MVB12B: variants seen among roughly 807,000 people sequenced by gnomAD.
The protein encoded by MVB12B is multivesicular body subunit 12B, also known as ESCRT-I complex subunit MVB12B.
A neutral mutation model predicts 41.6 loss-of-function variants in MVB12B; 16 were observed. The observed-to-expected ratio is 0.38, with a 90% CI of 0.26 to 0.58. The LOEUF is 0.58. Ranked by LOEUF, MVB12B falls within the 20% of genes least tolerant of loss-of-function variation. The pLI, the probability that MVB12B is intolerant of heterozygous loss-of-function variation, is 0.62. For missense variants in MVB12B, 274 were observed against 380.2 expected, an observed-to-expected ratio of 0.72 and a Z score of 2.32; for synonymous variants, 133 against 139.7, an observed-to-expected ratio of 0.95 and a Z score of 0.34.
intron 7 of MVB12B, among the ~76,000 whole-genome samples, chr9:126,443,313 T>C (rs1224085382): frequency 6.6e-6 from 1 of 152,084 alleles, no homozygotes; most frequent in Non-Finnish European, 1.5e-5. Context: ...CACCAATCAT[T>C]GAGGGCCAGG....
intron 7 of MVB12B, among the ~76,000 whole-genome samples, chr9:126,477,269 C>G (rs952352864): frequency 6.6e-6 from 1 of 152,182 alleles, no homozygotes; most frequent in Non-Finnish European, 1.5e-5. Context: ...GGATCCACCT[C>G]CATGACCCAA....
rs1833371233 is a variant in MVB12B, at chr9:126,473,803, T to G, written c.758-7566T>G. On this transcript the variant is annotated intron_variant, in intron 7 of 9. Coordinates refer to ENST00000361171, the MANE Select transcript of MVB12B (RefSeq NM_033446.3). The surrounding 1 kb of genome is among the most constrained non-coding windows in gnomAD (Gnocchi z 4.0). ...ACAATTGAACATGAGATTTGGGTAT[T>G]TGGGTGGGGACACAGATTCAAGCCA... Among the ~76,000 whole-genome samples the G allele has an allele frequency of 6.6e-6, 1 of 152,214 alleles. No homozygotes were observed. The highest frequency in any genetic ancestry group is 2.4e-5 in the African/African-American group (1 of 41,442).
intron 2 of MVB12B, among the ~76,000 whole-genome samples, chr9:126,363,821 T>C (rs1451747553): frequency 6.6e-6 from 1 of 152,220 alleles, no homozygotes; most frequent in Non-Finnish European, 1.5e-5. Context: ...CTTTTGTGCA[T>C]GCCCACCATT....
chr9:126,425,524 A>G (rs1265409534), intron 7 of MVB12B, among the ~76,000 whole-genome samples: 1 of 152,182 alleles, frequency 6.6e-6, no homozygotes, highest in African/African-American at 2.4e-5. Context: ...TCTCCTGAGC[A>G]CTCATGAGTC....
At chr9:126,410,888 CTTT>C (rs770993852) in intron 6 of MVB12B, among the ~76,000 whole-genome samples, 7 of 133,762 alleles carry the variant, frequency 5.2e-5, no homozygotes, top group Admixed American at 7.7e-5. Context: ...TTGGTTATTT[CTTT>C]TTTTTTTTTT....
At chr9:126,448,876 G>T (rs1216695719) in intron 7 of MVB12B, among the ~76,000 whole-genome samples, 1 of 152,150 alleles carries the variant, frequency 6.6e-6, no homozygotes, top group Non-Finnish European at 1.5e-5. Flanking sequence ...AATTTGGAGG[G>T]GACAAACTGC....
intron 2 of MVB12B, among the ~76,000 whole-genome samples, chr9:126,349,220 T>C (rs1235739518): frequency 6.6e-6 from 1 of 152,170 alleles, no homozygotes; most frequent in African/African-American, 2.4e-5. Flanking sequence ...CATTGTCAGG[T>C]ACCTGGCCCT....
At chr9:126,375,688 CT>C (rs1447957460) in intron 2 of MVB12B, among the ~76,000 whole-genome samples, 1 of 152,158 alleles carries the variant, frequency 6.6e-6, no homozygotes, top group African/African-American at 2.4e-5. Flanking sequence ...GAAAGGGCCC[CT>C]GGGAGATAAA....
At chr9:126,360,884 A>G (rs1233409347) in intron 2 of MVB12B, among the ~76,000 whole-genome samples, 2 of 152,216 alleles carry the variant, frequency 1.3e-5, no homozygotes, top group African/African-American at 4.8e-5. Context: ...GTCATATATT[A>G]GTATAGCCAC....
chr9:126,377,185 T>C (rs1273931696), intron 2 of MVB12B, among the ~76,000 whole-genome samples: 1 of 152,218 alleles, frequency 6.6e-6, no homozygotes, highest in Non-Finnish European at 1.5e-5. Flanking sequence ...TGCCTGGCCC[T>C]AGGGCCCTCC....
intron 2 of MVB12B, among the ~76,000 whole-genome samples, chr9:126,342,055 T>C (rs1274065449): frequency 6.6e-6 from 1 of 152,254 alleles, no homozygotes; most frequent in Non-Finnish European, 1.5e-5. Flanking sequence ...TTTGAATGTA[T>C]AACTTTCCAT....
intron 1 of MVB12B, among the ~76,000 whole-genome samples, chr9:126,336,934 C>G (rs1035865092): frequency 6.6e-6 from 1 of 152,134 alleles, no homozygotes. Context: ...TGATGACCTG[C>G]GAGGTGAAAG....
chr9:126,356,727 C>G (rs1411164898), intron 2 of MVB12B, among the ~76,000 whole-genome samples: 1 of 152,022 alleles, frequency 6.6e-6, no homozygotes, highest in Non-Finnish European at 1.5e-5. Context: ...CATGGTTTAG[C>G]ATTCCCTTTG....
chr9:126,370,833 C>T (rs1046829190), intron 2 of MVB12B, among the ~76,000 whole-genome samples: 1 of 152,116 alleles, frequency 6.6e-6, no homozygotes, highest in African/African-American at 2.4e-5. Context: ...TCCAAGTTTT[C>T]AATTTTAGGG....
chr9:126,385,196 T>C (rs1830745915), intron 3 of MVB12B, among the ~76,000 whole-genome samples: 2 of 152,068 alleles, frequency 1.3e-5, no homozygotes, highest in Non-Finnish European at 2.9e-5. Flanking sequence ...GAAATTAATT[T>C]ATTCAGCAAG....
chr9:126,438,100 C>G (rs1371673570), intron 7 of MVB12B, among the ~76,000 whole-genome samples: 1 of 152,174 alleles, frequency 6.6e-6, no homozygotes, highest in Non-Finnish European at 1.5e-5. Context: ...ATGCCTAATT[C>G]ATACAGTTAA....
intron 7 of MVB12B, chr9:126,481,057 A>G (rs964109760): frequency 8.3e-6 from 3 of 362,948 alleles, no homozygotes; most frequent in African/African-American, 6.3e-5. Flanking sequence ...CCCGTTACAG[A>G]TCAGAGACCA....
At chr9:126,434,737 G>A (rs1290240208) in intron 7 of MVB12B, among the ~76,000 whole-genome samples, 1 of 152,138 alleles carries the variant, frequency 6.6e-6, no homozygotes, top group Admixed American at 6.5e-5. Context: ...CCTTTTGTAG[G>A]CCCAAGACGT....
rs1301835666 is a variant in MVB12B at position 126,333,380 on chromosome 9, T to C, written c.81+6370T>C. ...GATTACAGGCGTGAGCCACTGCGCC[T>C]GGCCATGACCCTGGTTTTATTTATT... On this transcript the variant is annotated intron_variant, in intron 1 of 9. Coordinates refer to ENST00000361171, the MANE Select transcript of MVB12B (RefSeq NM_033446.3). The surrounding 1 kb of genome is among the most constrained non-coding windows in gnomAD (Gnocchi z 4.7). 6.9e-6 allele frequency among the ~76,000 whole-genome samples: 1 copy of C among 145,898 alleles called. No homozygotes were observed. Among genetic ancestry groups the C allele is most frequent in the Non-Finnish European group, 1.5e-5 (1 of 66,430 alleles).
Sources: allele counts gnomAD v4.1 joint callset (sites outside exome capture counted in the v4.1 genomes callset), GRCh38; gene constraint gnomAD v4.1.1; non-coding constraint Gnocchi (gnomAD v3.1); transcripts MANE v1.5; gene names NCBI Gene and HGNC (gene_info 2026-07-23, HGNC 2026-07-21).